MAEA: variants seen among roughly 807,000 people sequenced by gnomAD.
MAEA encodes the protein E3 ubiquitin-protein transferase MAEA.
In MAEA, 22 loss-of-function variants were observed where a neutral mutation model predicts 46.2. That is an observed-to-expected ratio of 0.48 (90% confidence interval 0.34 to 0.68). The LOEUF is 0.68. MAEA is among the 30% of genes least tolerant of loss of function. MAEA has a pLI of 0.01. For synonymous variants in MAEA, 246 were observed against 222.6 expected (o/e 1.11, Z -0.94); for missense variants, 393 against 558.1 (o/e 0.70, Z 2.98).
At chr4:1,302,770 G>A (rs1236242672) in intron 1 of MAEA, among the ~76,000 whole-genome samples, 11 of 152,180 alleles carry the variant, frequency 7.2e-5, no homozygotes, top group Non-Finnish European at 1.3e-4. Context: ...GTGAGCCACC[G>A]CGCCCAGCCA....
intron 4 of MAEA, among the ~76,000 whole-genome samples, chr4:1,323,777 G>C (rs577433402): frequency 1.3e-5 from 2 of 152,206 alleles, no homozygotes; most frequent in South Asian, 4.1e-4. Context: ...ATTACCTGCC[G>C]GACAGTGTTG....
At chr4:1,327,263 G>A (rs534462993) in intron 4 of MAEA, among the ~76,000 whole-genome samples, 2 of 152,370 alleles carry the variant, frequency 1.3e-5, no homozygotes, top group East Asian at 1.9e-4. Context: ...AAGCTGCTTT[G>A]TCCTTGCAGA....
At chr4:1,337,155 G>T in intron 7 of MAEA, 161 bp downstream of exon 7, 1 of 850,930 alleles carries the variant, frequency 1.2e-6, no homozygotes, top group Non-Finnish European at 1.8e-6. Flanking sequence ...GGTCGGGGTG[G>T]GGCCGTGTTG....
chr4:1,329,633 G>A, intron 5 of MAEA: 3 of 985,540 alleles, frequency 3.0e-6, no homozygotes, highest in Non-Finnish European at 3.6e-6. Flanking sequence ...CCAGGGCCTG[G>A]TCAGGGAAGT....
intron 3 of MAEA, among the ~76,000 whole-genome samples, chr4:1,321,338 A>G (rs1366077029): frequency 3.3e-5 from 5 of 152,204 alleles, no homozygotes; most frequent in Non-Finnish European, 7.3e-5. Flanking sequence ...AGAAAACGCT[A>G]TGAAGGGGTT....
At chr4:1,328,754 G>T in intron 5 of MAEA, 1 of 1,194,948 alleles carries the variant, frequency 8.4e-7, no homozygotes, top group Non-Finnish European at 1.1e-6. Context: ...CTGCCCTTGC[G>T]TGGACCCTGG....
At chr4:1,337,792 A>G (rs1577249743) in intron 7 of MAEA, 1 of 158,410 alleles carries the variant, frequency 6.3e-6, no homozygotes, top group South Asian at 1.1e-4. Flanking sequence ...TACTGACTCT[A>G]CCCCTGCCTG....
rs2108905529 is a variant in MAEA at position 1,311,361 on chromosome 4, A to G, written c.70-618A>G. ...TCAGCAGCGCTTCTCTCAGAGGGACAGAAAACTAACAACGACTTTAAGATT... is the reference window on the plus strand; with the variant it reads ...TCAGCAGCGCTTCTCTCAGAGGGACGGAAAACTAACAACGACTTTAAGATT... On this transcript the variant is annotated intron_variant, in intron 1 of 8. Coordinates refer to ENST00000303400, the MANE Select transcript of MAEA (RefSeq NM_001017405.3). The surrounding 1 kb of genome is among the most constrained non-coding windows in gnomAD (Gnocchi z 4.4). Among the ~76,000 whole-genome samples, 1 of 152,390 alleles carries G rather than the reference A, an allele frequency of 6.6e-6. No homozygotes were observed. The highest frequency in any genetic ancestry group is 1.9e-4 in the East Asian group (1 of 5,188).
chr4:1,325,790 T>A (rs906782452), intron 4 of MAEA, among the ~76,000 whole-genome samples: 1 of 151,940 alleles, frequency 6.6e-6, no homozygotes, highest in African/African-American at 2.4e-5. Flanking sequence ...ATTAGTGGGG[T>A]GGGGACTCGG....
At chr4:1,310,713 C>T (rs1050704317) in intron 1 of MAEA, among the ~76,000 whole-genome samples, 7 of 152,196 alleles carry the variant, frequency 4.6e-5, no homozygotes, top group Admixed American at 2.6e-4. Flanking sequence ...GGGTCCACGT[C>T]GGCGCTGGGG....
intron 1 of MAEA, among the ~76,000 whole-genome samples, chr4:1,296,301 C>T (rs369697185): frequency 0.011 from 40 of 3,544 alleles, 3 homozygotes; most frequent in East Asian, 0.077. Flanking sequence ...TTCACGTGCG[C>T]CCCCCACCTA....
At chr4:1,301,767 G>A (rs1224365775) in intron 1 of MAEA, among the ~76,000 whole-genome samples, 4 of 152,216 alleles carry the variant, frequency 2.6e-5, no homozygotes, top group Admixed American at 2.6e-4. Flanking sequence ...CAGACAAAAT[G>A]TGTAGAAGGA....
chr4:1,307,668 G>T (rs1735965026), intron 1 of MAEA, among the ~76,000 whole-genome samples: 2 of 152,216 alleles, frequency 1.3e-5, no homozygotes, highest in Admixed American at 1.3e-4. Context: ...GGAAGCTGGT[G>T]CGTGGCTCAG....
intron 1 of MAEA, among the ~76,000 whole-genome samples, chr4:1,301,897 A>G (rs1451704023): frequency 6.6e-6 from 1 of 152,272 alleles, no homozygotes; most frequent in African/African-American, 2.4e-5. Context: ...GCCTGAGACC[A>G]GATGGTTTCA....
chr4:1,321,963 T>C (rs1738184091), intron 3 of MAEA, among the ~76,000 whole-genome samples: 1 of 152,028 alleles, frequency 6.6e-6, no homozygotes, highest in Non-Finnish European at 1.5e-5. Context: ...ATTTAGCATG[T>C]TATTATTTGC....
chr4:1,339,743 G>A lies in MAEA; in HGVS notation c.*574G>A, dbSNP rs2109025728. 1 of 155,646 alleles carries A rather than the reference G, an allele frequency of 6.4e-6. No homozygotes were observed. The highest frequency in any genetic ancestry group is 2.4e-5 in the African/African-American group (1 of 41,610). The allele number at this position is 155,646 out of a possible 1,614,324, so 9.6% of individuals were successfully genotyped here. A position where few individuals can be genotyped will look rare whatever the true frequency, so the allele number is the denominator to read the frequency against. ...TTCGAGGACGCCCGCCTGCCTCGCG[G>A]GTCGTGTCCGCGGGACTGTGTTCGT... On this transcript the variant is annotated 3_prime_UTR_variant, in exon 9 of 9. Coordinates refer to ENST00000303400, the MANE Select transcript of MAEA (RefSeq NM_001017405.3).
rs3832286 is a variant in MAEA at position 1,332,685 on chromosome 4, CAG to C, written c.657-69_657-68del. On this transcript the variant is annotated intron_variant, in intron 5 of 8. Coordinates refer to ENST00000303400, the MANE Select transcript of MAEA (RefSeq NM_001017405.3). ...TGCCACTGCACTGCAGCCTGGGTGA[CAG>C]AGTGAAACCCTGTCTCTAAAAGTTA... is the stretch of plus-strand genomic sequence containing the variant. The C allele has an allele frequency of 7.1e-5, 84 of 1,183,370 alleles. 2 individuals are homozygous for C. The highest frequency in any genetic ancestry group is 6.8e-4 in the East Asian group (27 of 39,822). 73.3% of individuals were successfully genotyped at this position (1,183,370 alleles called of 1,614,324 possible). A position where few individuals can be genotyped will look rare whatever the true frequency, so the allele number is the denominator to read the frequency against.
intron 1 of MAEA, chr4:1,310,062 C>A: frequency 3.7e-6 from 4 of 1,089,636 alleles, no homozygotes; most frequent in Non-Finnish European, 4.5e-6. Flanking sequence ...GTCTAATGGT[C>A]TAATGGCGAA....
intron 3 of MAEA, among the ~76,000 whole-genome samples, chr4:1,321,476 T>C (rs1162599102): frequency 6.6e-6 from 1 of 152,090 alleles, no homozygotes; most frequent in Non-Finnish European, 1.5e-5. Flanking sequence ...CAAGAAATCA[T>C]GAAAGAAAAG....
Sources: allele counts gnomAD v4.1 joint callset (sites outside exome capture counted in the v4.1 genomes callset), GRCh38; gene constraint gnomAD v4.1.1; non-coding constraint Gnocchi (gnomAD v3.1); transcripts MANE v1.5; gene names NCBI Gene and HGNC (gene_info 2026-07-23, HGNC 2026-07-21).